CCDC88C: variants seen among roughly 807,000 people sequenced by gnomAD.
CCDC88C encodes protein Daple.
A neutral mutation model predicts 198.8 loss-of-function variants in CCDC88C; 131 were observed. The ratio of observed to expected loss-of-function variants is 0.66; its 90% CI spans 0.57 to 0.76. The LOEUF (loss-of-function observed/expected upper bound fraction) is 0.76. CCDC88C is among the 30% of genes least tolerant of loss of function. The pLI, the probability that CCDC88C is intolerant of heterozygous loss-of-function variation, is 0.00. For missense variants in CCDC88C, 2,553 were observed against 2,631.6 expected (o/e 0.97, Z 0.65); for synonymous variants, 1,166 against 1,114.7 (o/e 1.05, Z -0.92).
intron 13 of CCDC88C, among the ~76,000 whole-genome samples, chr14:91,317,044 T>G (rs1184688566): frequency 6.6e-6 from 1 of 152,228 alleles, no homozygotes; most frequent in Admixed American, 6.5e-5. Flanking sequence ...TCACATGAGC[T>G]GCTCCTGCCT....
In CCDC88C at chr14:91,338,254, G is replaced by A. The variant is rs1390773879; in HGVS notation, c.892-91C>T. On this transcript the variant is annotated intron_variant, in intron 9 of 29. Transcript: ENST00000389857. This position sits in a 1 kb window ranked among gnomAD's most constrained non-coding sequence, Gnocchi z 4.8. Reference sequence around the variant, plus strand: ...TTGCCCTTCTGCATGGTGTCTCCACGACGGCCCAGGACAAGCCAGCTCCTG... The same window carrying A: ...TTGCCCTTCTGCATGGTGTCTCCACAACGGCCCAGGACAAGCCAGCTCCTG... The A allele has an allele frequency of 4.1e-6, 6 of 1,471,732 alleles. No individual in the cohort carries two copies. The highest frequency in any genetic ancestry group is 5.5e-6 in the Non-Finnish European group (6 of 1,082,248). 91.2% of individuals were successfully genotyped at this position (1,471,732 alleles called of 1,614,324 possible). A position where few individuals can be genotyped will look rare whatever the true frequency, so the allele number is the denominator to read the frequency against.
chr14:91,395,903 G>A (rs759780600), intron 3 of CCDC88C, among the ~76,000 whole-genome samples: 57 of 152,046 alleles, frequency 3.7e-4, no homozygotes, highest in Non-Finnish European at 7.6e-4. Context: ...TGAAATCTCT[G>A]CCTCCCCCCT....
intron 22 of CCDC88C, among the ~76,000 whole-genome samples, 191 bp downstream of exon 22, chr14:91,297,112 TAC>T (rs1046697552): frequency 3.3e-5 from 5 of 152,212 alleles, no homozygotes; most frequent in African/African-American, 1.2e-4. Flanking sequence ...TGTTTTCGTA[TAC>T]AGTCCCACCA....
Position 91,321,199 on chromosome 14 carries a change from C to T in CCDC88C, c.1448G>A (p.Arg483Gln), listed in dbSNP as rs774301476. The T allele has an allele frequency of 2.5e-6, 4 of 1,612,132 alleles. No homozygotes were observed. Among genetic ancestry groups the T allele is most frequent in the South Asian group, 2.2e-5 (2 of 90,500 alleles). ...QSLQSTIQGL[R>Q]DASLVLEESG... is the part of the protein sequence containing the mutation. ...CTCCTCCAACACCAGGGACGCGTCC[C>T]GCAGCCCCTGGATGGTGCTCTGGAG... The change falls in exon 13 of 30, where the codon CGG (arginine) becomes CAG (glutamine). Residue 483 changes from arginine (R) to glutamine (Q), a missense_variant. Physicochemically the swap from Arg to Gln is conservative, Grantham distance 43 (BLOSUM62 1). Coordinates refer to ENST00000389857, the MANE Select transcript of CCDC88C (RefSeq NM_001080414.4).
chr14:91,302,989 T>C (rs1180214365), intron 20 of CCDC88C, among the ~76,000 whole-genome samples: 1 of 152,210 alleles, frequency 6.6e-6, no homozygotes, highest in Non-Finnish European at 1.5e-5. Flanking sequence ...GAGCCCCTCT[T>C]ACTACTGTCT....
intron 3 of CCDC88C, chr14:91,379,990 C>T (rs955211585): frequency 2.7e-5 from 18 of 663,090 alleles, no homozygotes; most frequent in African/African-American, 3.9e-5. Context: ...GGGAACTGCG[C>T]GAGCCCACCG....
chr14:91,318,553 G>A (rs565008927), intron 13 of CCDC88C, among the ~76,000 whole-genome samples: 1 of 152,300 alleles, frequency 6.6e-6, no homozygotes, highest in Non-Finnish European at 1.5e-5. Context: ...AGTTCAAAGG[G>A]ACAAGAGTGA....
intron 3 of CCDC88C, among the ~76,000 whole-genome samples, chr14:91,361,553 G>A (rs920209716): frequency 6.6e-6 from 1 of 152,128 alleles, no homozygotes; most frequent in Non-Finnish European, 1.5e-5. Context: ...ACCGTGAGGT[G>A]TACTCTACTC....
chr14:91,342,276 G>A (rs1162788989), intron 6 of CCDC88C, 104 bp downstream of exon 6: 3 of 682,686 alleles, frequency 4.4e-6, no homozygotes, highest in Non-Finnish European at 8.0e-6. Flanking sequence ...ATCGTAATGG[G>A]TGATGTATTC....
At chr14:91,296,277 A>G (rs554082471) in intron 22 of CCDC88C, among the ~76,000 whole-genome samples, 1 of 152,316 alleles carries the variant, frequency 6.6e-6, no homozygotes, top group South Asian at 2.1e-4. Flanking sequence ...AATCATCAGC[A>G]TCTTCCAAAA....
At chr14:91,415,467 G>A (rs533642081) in intron 2 of CCDC88C, among the ~76,000 whole-genome samples, 1 of 152,258 alleles carries the variant, frequency 6.6e-6, no homozygotes, top group East Asian at 1.9e-4. Context: ...GCTCATGCCT[G>A]TAATCCCAGC....
chr14:91,316,579 C>T (rs991328270), intron 13 of CCDC88C, among the ~76,000 whole-genome samples: 14 of 152,254 alleles, frequency 9.2e-5, no homozygotes, highest in African/African-American at 2.6e-4. Flanking sequence ...CCTGCCACCA[C>T]GCCCATCTAA....
At chr14:91,384,237 G>A (rs906693810) in intron 3 of CCDC88C, among the ~76,000 whole-genome samples, 8 of 151,362 alleles carry the variant, frequency 5.3e-5, no homozygotes, top group African/African-American at 1.9e-4. Flanking sequence ...AGGAGTTCGA[G>A]ACCAGCCTGA....
Position 91,339,049 on chromosome 14 carries a change from G to GGGA in CCDC88C, c.809+226_809+228dup. ...TGTGGACAACTTGCACCGTCTGGACGGGAGGAAACCCTGAAGACCGGGAAG... is the reference window on the plus strand; with the variant it reads ...TGTGGACAACTTGCACCGTCTGGACGGGAGGAGGAAACCCTGAAGACCGGGAAG... On this transcript the variant is annotated intron_variant, in intron 8 of 29. Coordinates refer to ENST00000389857, the MANE Select transcript of CCDC88C (RefSeq NM_001080414.4). The surrounding 1 kb of genome is among the most constrained non-coding windows in gnomAD (Gnocchi z 5.8). 1 of 630,618 alleles carries GGGA rather than the reference G, an allele frequency of 1.6e-6. No homozygotes were observed. The highest frequency in any genetic ancestry group is 2.9e-6 in the Non-Finnish European group (1 of 346,094). The allele number at this position is 630,618 out of a possible 1,614,324, so 39.1% of individuals were successfully genotyped here.
In CCDC88C at chr14:91,343,608, A is replaced by G. The variant is rs768581479; in HGVS notation, c.390T>C (p.Cys130=). Residue 130 remains cysteine (C), a synonymous_variant, in exon 5 of 30, where the codon TGT becomes TGC. Transcript: ENST00000389857. ...IKKVLLLVLG[C]AVQCERKEEF... The stretch of plus-strand genomic sequence containing the variant: ...CCTGCCCAATCCCTACCTGGACAGC[A>G]CAGCCCAGCACCAGCAGCAGCACCT... The G allele has an allele frequency of 1.2e-5, 20 of 1,613,784 alleles. No homozygotes were observed. The highest frequency in any genetic ancestry group is 1.7e-5 in the Non-Finnish European group (20 of 1,179,832).
intron 4 of CCDC88C, among the ~76,000 whole-genome samples, chr14:91,351,632 AC>A (rs1235282787): frequency 6.6e-6 from 1 of 150,842 alleles, no homozygotes; most frequent in Non-Finnish European, 1.5e-5. Context: ...ACGTGCCCCC[AC>A]CCCCCGGCAT....
intron 3 of CCDC88C, among the ~76,000 whole-genome samples, chr14:91,386,296 A>AC (rs1885135361): frequency 1.3e-5 from 2 of 149,848 alleles, no homozygotes; most frequent in Non-Finnish European, 3.0e-5. Context: ...ATACAAAAAA[A>AC]AAAAAAAACA....
intron 3 of CCDC88C, chr14:91,380,000 G>A (rs1884690044): frequency 1.4e-5 from 9 of 663,810 alleles, no homozygotes; most frequent in East Asian, 2.7e-5. Context: ...CGAGCCCACC[G>A]TGAGAACCAA....
intron 22 of CCDC88C, among the ~76,000 whole-genome samples, chr14:91,296,345 T>C (rs1188879102): frequency 2.0e-5 from 3 of 152,254 alleles, no homozygotes; most frequent in Admixed American, 2.0e-4. Context: ...CTACCACACA[T>C]GTCCAGCTCT....
Sources: allele counts gnomAD v4.1 joint callset (sites outside exome capture counted in the v4.1 genomes callset), GRCh38; gene constraint gnomAD v4.1.1; non-coding constraint Gnocchi (gnomAD v3.1); transcripts MANE v1.5; gene names NCBI Gene and HGNC (gene_info 2026-07-23, HGNC 2026-07-21).